The following ATP10B variants were observed in gnomAD, a reference collection of about 807,000 sequenced individuals.
ATP10B encodes the protein phospholipid-transporting ATPase VB.
ATP10B carries 122 observed loss-of-function variants against 141.2 expected under a neutral mutation model. That is an observed-to-expected ratio of 0.86 (90% CI 0.75 to 1.00). ATP10B has a LOEUF of 1.00. Among genes scored for constraint, ATP10B ranks in the 50% least tolerant of loss-of-function variants. The pLI is 0.00. For synonymous variants in ATP10B, 685 were observed against 692.0 expected, an observed-to-expected ratio of 0.99 and a Z score of 0.16; for missense variants, 1,876 against 1,825.3, an observed-to-expected ratio of 1.03 and a Z score of -0.51.
In ATP10B at chr5:160,612,938, A is replaced by C; in HGVS notation, c.2654-13T>G. ...ATCCCAGTGGCTCCTGGAGTGATGA[A>C]AAACAACAGAGTTCACATTTATCGT... On this transcript the variant is annotated splice_polypyrimidine_tract_variant and intron_variant, in intron 17 of 25. Transcript: ENST00000327245. 6.2e-7 allele frequency: 1 copy of C among 1,605,180 alleles called. No homozygotes were observed. The highest frequency in any genetic ancestry group is 8.5e-7 in the Non-Finnish European group (1 of 1,176,094).
intron 1 of ATP10B, among the ~76,000 whole-genome samples, chr5:160,827,833 T>G (rs1036118247): frequency 6.6e-6 from 1 of 152,180 alleles, no homozygotes. Flanking sequence ...AGCAATTCAT[T>G]TATTAAATAG....
chr5:160,891,523 T>G, the ATP10B span, among the ~76,000 whole-genome samples: 1 of 152,204 alleles, frequency 6.6e-6, no homozygotes, highest in African/African-American at 2.4e-5. Flanking sequence ...TGGCGCAGTC[T>G]CAACTCACTG....
intron 3 of ATP10B, among the ~76,000 whole-genome samples, chr5:160,702,338 G>T (rs1319054951): frequency 6.6e-6 from 1 of 152,110 alleles, no homozygotes; most frequent in African/African-American, 2.4e-5. Context: ...AAGTAACTGT[G>T]GTTAAGGAAC....
chr5:160,622,448 G>A lies in ATP10B; in HGVS notation c.1758C>T (p.Ala586=). Residue 586 remains alanine, a synonymous_variant, in exon 14 of 26, where the codon GCC becomes GCT. Transcript: ENST00000327245. The part of the protein sequence containing the change: ...TTSSIADFFL[A]LTICNSVMVS... Reference sequence around the variant, plus strand: ...CCATGACAGAGTTGCAGATGGTTAAGGCAAGGAAGAAATCAGCAATGGAGG... The same window carrying A: ...CCATGACAGAGTTGCAGATGGTTAAAGCAAGGAAGAAATCAGCAATGGAGG... 1 of 1,614,126 alleles carries A rather than the reference G, an allele frequency of 6.2e-7. No individual in the cohort carries two copies. Among genetic ancestry groups the A allele is most frequent in the Non-Finnish European group, 8.5e-7 (1 of 1,180,026 alleles).
At chr5:160,729,891 A>T (rs573057174) in intron 2 of ATP10B, among the ~76,000 whole-genome samples, 89 of 152,122 alleles carry the variant, frequency 5.9e-4, no homozygotes, top group Non-Finnish European at 1.1e-3. Flanking sequence ...AAGGCATTTT[A>T]ATCTTACTTG....
intron 2 of ATP10B, among the ~76,000 whole-genome samples, chr5:160,748,079 T>TAG (rs2127817759): frequency 6.6e-6 from 1 of 151,744 alleles, no homozygotes; most frequent in African/African-American, 2.4e-5. Context: ...TGATGTGGCT[T>TAG]ACAGCTGGGT....
intron 2 of ATP10B, among the ~76,000 whole-genome samples, chr5:160,770,279 G>C (rs1252408497): frequency 6.6e-6 from 1 of 151,506 alleles, no homozygotes; most frequent in Non-Finnish European, 1.5e-5. Flanking sequence ...CCCTTCCTCT[G>C]CAATTTTGTC....
At chr5:160,638,831 T>G (rs1318956737) in intron 10 of ATP10B, among the ~76,000 whole-genome samples, 3 of 152,166 alleles carry the variant, frequency 2.0e-5, no homozygotes, top group African/African-American at 7.2e-5. Flanking sequence ...CTTTCTGAGA[T>G]CTCCTTTAGC....
chr5:160,696,089 T>C (rs773326002), intron 3 of ATP10B, among the ~76,000 whole-genome samples: 4 of 152,156 alleles, frequency 2.6e-5, no homozygotes, highest in African/African-American at 9.7e-5. Context: ...TTACTTTAGG[T>C]GAACTCACTT....
At chr5:160,602,736 C>T in intron 20 of ATP10B, 34 bp from the exon 21 acceptor site, 1 of 1,612,338 alleles carries the variant, frequency 6.2e-7, no homozygotes, top group Non-Finnish European at 8.5e-7. Context: ...CAGCTTCCAT[C>T]CATGGCTGCC....
rs533507457 is a variant in ATP10B, at chr5:160,652,812, T to A, written c.676-3556A>T. Among the ~76,000 whole-genome samples the A allele has an allele frequency of 1.2e-4, 11 of 95,330 alleles. 3 individuals carry two copies. Among genetic ancestry groups the A allele is most frequent in the African/African-American group, 5.4e-4 (11 of 20,250 alleles). The allele number at this position is 95,330 out of a possible 152,430, so 62.5% of individuals were successfully genotyped here. On this transcript the variant is annotated intron_variant, in intron 7 of 25. Coordinates refer to ENST00000327245, the MANE Select transcript of ATP10B (RefSeq NM_025153.3). The stretch of plus-strand genomic sequence containing the variant: ...AAAATATATAATATATTATATAATA[T>A]ATTATATATTAATTATATATAATAT...
chr5:160,766,161 T>TG (rs1769390789), intron 2 of ATP10B, among the ~76,000 whole-genome samples: 1 of 151,916 alleles, frequency 6.6e-6, no homozygotes, highest in Admixed American at 6.5e-5. Context: ...CTTAAAGAAC[T>TG]AAAGTAGAAC....
the ATP10B span, among the ~76,000 whole-genome samples, chr5:160,926,930 T>C: frequency 6.6e-6 from 1 of 152,252 alleles, no homozygotes; most frequent in Non-Finnish European, 1.5e-5. Flanking sequence ...TGTGTGCTTT[T>C]GAGCAAGAGC....
At position 160,789,051 on chromosome 5, in the gene ATP10B, T is replaced by A. The variant is rs148955118; in HGVS notation, c.-575-3248A>T. Among the ~76,000 whole-genome samples, 120 of 152,214 alleles carry A rather than the reference T, an allele frequency of 7.9e-4. 2 individuals are homozygous for A. In the East Asian group the frequency reaches 0.019, roughly 24 times the overall value. On this transcript the variant is annotated intron_variant, in intron 1 of 25. Coordinates refer to ENST00000327245, the MANE Select transcript of ATP10B (RefSeq NM_025153.3). Reference sequence around the variant, plus strand: ...TTCATGGAGAAGATAGCATTTACATTTACTTTGGCCCCTTGATATTTATGT... The same window carrying A: ...TTCATGGAGAAGATAGCATTTACATATACTTTGGCCCCTTGATATTTATGT...
chr5:160,598,745 C>G (rs1756904406), intron 22 of ATP10B, 25 bp downstream of exon 22: 1 of 1,612,338 alleles, frequency 6.2e-7, no homozygotes. Flanking sequence ...GAAGTCACCT[C>G]CCTTTGGCTG....
At chr5:160,864,103 C>T in the ATP10B span, among the ~76,000 whole-genome samples, 1 of 151,786 alleles carries the variant, frequency 6.6e-6, no homozygotes, top group African/African-American at 2.4e-5. Flanking sequence ...TCAGTATCAC[C>T]CTAATGCCAA....
At chr5:160,836,688 T>A (rs1231358748) in intron 1 of ATP10B, among the ~76,000 whole-genome samples, 1 of 152,130 alleles carries the variant, frequency 6.6e-6, no homozygotes, top group Non-Finnish European at 1.5e-5. Flanking sequence ...TCCCAGCAAG[T>A]TCAGGGTTTC....
chr5:160,610,936 T>C (rs1757687421), intron 18 of ATP10B, among the ~76,000 whole-genome samples: 1 of 152,182 alleles, frequency 6.6e-6, no homozygotes, highest in Non-Finnish European at 1.5e-5. Flanking sequence ...AGCAAAGAGA[T>C]AATAATCCTA....
chr5:160,825,032 G>A (rs1427264981), intron 1 of ATP10B, among the ~76,000 whole-genome samples: 1 of 152,068 alleles, frequency 6.6e-6, no homozygotes, highest in Non-Finnish European at 1.5e-5. Flanking sequence ...CATTCTCTGG[G>A]ACTTTAATTC....
Sources: allele counts gnomAD v4.1 joint callset (sites outside exome capture counted in the v4.1 genomes callset), GRCh38; gene constraint gnomAD v4.1.1; transcripts MANE v1.5; gene names NCBI Gene and HGNC (gene_info 2026-07-23, HGNC 2026-07-21).